Variants in ZC4H2 observed in about 807,000 individuals in gnomAD.
ZC4H2 encodes the protein zinc finger C4H2-type containing.
For synonymous variants in ZC4H2, 84 were observed against 66.3 expected (o/e 1.27, Z -1.30); for missense variants, 137 against 173.9 (o/e 0.79, Z 1.19).
intron 1 of ZC4H2, among the ~76,000 whole-genome samples, chrX:65,000,753 G>A (rs1246720196): frequency 8.9e-6 from 1 of 112,116 alleles, no homozygotes; most frequent in African/African-American, 3.2e-5. Context: ...TGACCTGATG[G>A]AGATGAAAAA....
chrX:64,952,548 T>A (rs181848084), intron 1 of ZC4H2, among the ~76,000 whole-genome samples: 2 of 111,111 alleles, frequency 1.8e-5, no homozygotes, highest in Non-Finnish European at 3.8e-5. Flanking sequence ...AGCCAAATCA[T>A]GAGTGAACTC....
chrX:64,923,424 C>G (rs189700970), intron 1 of ZC4H2, among the ~76,000 whole-genome samples: 75 of 110,335 alleles, frequency 6.8e-4, no homozygotes, highest in African/African-American at 2.4e-3. Context: ...GATTTGTAGT[C>G]TCCTTTCTTC....
chrX:65,000,676 C>G (rs1019556168), intron 1 of ZC4H2, among the ~76,000 whole-genome samples: 1 of 111,904 alleles, frequency 8.9e-6, no homozygotes, highest in Non-Finnish European at 1.9e-5. Flanking sequence ...TACAAGAGAG[C>G]TAAAAACCTT....
At position 64,917,589 on chromosome X, in the gene ZC4H2, C is replaced by A. The variant is rs1305872189; in HGVS notation, c.*194G>T. The A allele has an allele frequency of 2.6e-5, 14 of 546,763 alleles. No individual in the cohort carries two copies. The East Asian group carries it at 5.2e-4, about 20-fold the overall frequency. 45.1% of individuals were successfully genotyped at this position (546,763 alleles called of 1,213,427 possible). A position where few individuals can be genotyped will look rare whatever the true frequency, so the allele number is the denominator to read the frequency against. Reference sequence around the variant, plus strand: ...TCAGACACACTGTTTAGCACCTGAACCACATCTCTTCCTAAACCAGAAATC... The same window carrying A: ...TCAGACACACTGTTTAGCACCTGAAACACATCTCTTCCTAAACCAGAAATC... On this transcript the variant is annotated 3_prime_UTR_variant, in exon 5 of 5. Coordinates refer to ENST00000374839, the MANE Select transcript of ZC4H2 (RefSeq NM_018684.4).
intron 1 of ZC4H2, among the ~76,000 whole-genome samples, chrX:64,983,542 C>T (rs1932122778): frequency 9.0e-6 from 1 of 111,409 alleles, no homozygotes; most frequent in South Asian, 3.8e-4. Flanking sequence ...GAGGATATAA[C>T]AAATTTATAC....
intron 1 of ZC4H2, among the ~76,000 whole-genome samples, chrX:64,948,055 T>C (rs1381628745): frequency 9.0e-6 from 1 of 111,228 alleles, no homozygotes; most frequent in Middle Eastern, 4.7e-3. Flanking sequence ...CCAGGAGCAC[T>C]GAGTGAACAA....
intron 1 of ZC4H2, among the ~76,000 whole-genome samples, chrX:64,924,585 A>G (rs1221236093): frequency 9.0e-6 from 1 of 111,650 alleles, no homozygotes; most frequent in African/African-American, 3.3e-5. Flanking sequence ...GAGGGACACT[A>G]TAGGGTAAAG....
At chrX:64,968,064 T>C (rs1381544052) in intron 1 of ZC4H2, among the ~76,000 whole-genome samples, 1 of 111,776 alleles carries the variant, frequency 8.9e-6, no homozygotes, top group East Asian at 2.8e-4. Flanking sequence ...TTATTAAGAA[T>C]CTATCTAAGT....
chrX:64,922,927 AAAGG>A (rs1224025259), intron 1 of ZC4H2, among the ~76,000 whole-genome samples: 1 of 112,150 alleles, frequency 8.9e-6, no homozygotes, highest in African/African-American at 3.2e-5. Context: ...CAGTTCCAGA[AAAGG>A]AAGGGGAAAG....
intron 1 of ZC4H2, among the ~76,000 whole-genome samples, chrX:65,024,482 G>T (rs978075836): frequency 9.0e-5 from 10 of 111,448 alleles, no homozygotes; most frequent in Non-Finnish European, 1.7e-4. Context: ...ATGTCTCAAA[G>T]AAGTTAAGGC....
chrX:64,982,260 C>A (rs985587845), intron 1 of ZC4H2, among the ~76,000 whole-genome samples: 2 of 111,909 alleles, frequency 1.8e-5, no homozygotes, highest in Non-Finnish European at 3.8e-5. Flanking sequence ...TCCTTTATAT[C>A]ACCAGAACTA....
intron 1 of ZC4H2, among the ~76,000 whole-genome samples, chrX:64,993,085 A>G (rs1157859800): frequency 2.7e-5 from 3 of 112,593 alleles, no homozygotes; most frequent in Non-Finnish European, 5.6e-5. Context: ...AGATTTAGCA[A>G]CTATACAAGA....
chrX:64,977,958 C>T (rs1378923959), upstream of ZC4H2, among the ~76,000 whole-genome samples: 1 of 111,643 alleles, frequency 9.0e-6, no homozygotes, highest in South Asian at 3.8e-4. Flanking sequence ...AGGTAAGAGG[C>T]AGTTACTCAG....
chrX:64,943,662 T>C (rs2147377999), intron 1 of ZC4H2, among the ~76,000 whole-genome samples: 1 of 111,822 alleles, frequency 8.9e-6, no homozygotes, highest in Non-Finnish European at 1.9e-5. Flanking sequence ...CTGCTTTTTT[T>C]TTGCTTTCCA....
intron 1 of ZC4H2, among the ~76,000 whole-genome samples, chrX:64,947,364 G>T (rs554298893): frequency 1.8e-5 from 2 of 111,802 alleles, no homozygotes; most frequent in South Asian, 7.4e-4. Flanking sequence ...GGTTGATGGT[G>T]ATGGTTCTAT....
chrX:64,951,015 T>G (rs1164006501), intron 1 of ZC4H2, among the ~76,000 whole-genome samples: 1 of 110,535 alleles, frequency 9.0e-6, no homozygotes, highest in African/African-American at 3.3e-5. Context: ...GTCCATGTGT[T>G]CTCATTGTTC....
chrX:64,952,919 C>G (rs956313039), intron 1 of ZC4H2, among the ~76,000 whole-genome samples: 1 of 111,344 alleles, frequency 9.0e-6, no homozygotes, highest in Non-Finnish European at 1.9e-5. Flanking sequence ...TGACTTCAAA[C>G]TATACTACAA....
intron 1 of ZC4H2, among the ~76,000 whole-genome samples, chrX:64,929,129 G>T (rs1929620614): frequency 9.0e-6 from 1 of 111,101 alleles, no homozygotes; most frequent in Non-Finnish European, 1.9e-5. Flanking sequence ...CTGGCCTCCA[G>T]TGATCTGCCT....
At chrX:64,922,583 T>A (rs1323451583) in intron 1 of ZC4H2, among the ~76,000 whole-genome samples, 1 of 112,547 alleles carries the variant, frequency 8.9e-6, no homozygotes, top group Non-Finnish European at 1.9e-5. Flanking sequence ...TACTGGCATT[T>A]AGTGGACATG....
Sources: allele counts gnomAD v4.1 joint callset (sites outside exome capture counted in the v4.1 genomes callset), GRCh38; gene constraint gnomAD v4.1.1; transcripts MANE v1.5; gene names NCBI Gene and HGNC (gene_info 2026-07-23, HGNC 2026-07-21).